Variants in SIN3A observed in about 807,000 individuals in gnomAD.
SIN3A encodes SIN3 transcription regulator family member A, also known as paired amphipathic helix protein Sin3a.
A neutral mutation model predicts 146.1 loss-of-function variants in SIN3A; 14 were observed. That is an observed-to-expected ratio of 0.10 (90% CI 0.06 to 0.15). The LOEUF is 0.15. Among genes scored for constraint, SIN3A ranks in the 10% least tolerant of loss-of-function variants. The pLI is 1.00. For missense variants in SIN3A, 1,028 were observed against 1,576.0 expected, an observed-to-expected ratio of 0.65 and a Z score of 5.89; for synonymous variants, 572 against 572.0, an observed-to-expected ratio of 1.00 and a Z score of 0.00.
chr15:75,396,920 C>A (rs190612774), intron 12 of SIN3A, among the ~76,000 whole-genome samples: 2 of 152,302 alleles, frequency 1.3e-5, no homozygotes, highest in African/African-American at 4.8e-5. Flanking sequence ...CCATTATGAA[C>A]AAACAATAAC....
At chr15:75,374,614 A>T (rs2072818587) in intron 20 of SIN3A, among the ~76,000 whole-genome samples, 2 of 152,256 alleles carry the variant, frequency 1.3e-5, no homozygotes, top group Admixed American at 1.3e-4. Context: ...ATCATTAGAC[A>T]AAGTGATGTG....
At chr15:75,384,890 A>G (rs2073050576) in intron 16 of SIN3A, among the ~76,000 whole-genome samples, 1 of 152,130 alleles carries the variant, frequency 6.6e-6, no homozygotes, top group African/African-American at 2.4e-5. Context: ...AATTTACACA[A>G]TGCATCAGAA....
At chr15:75,447,502 T>C (rs1392255116) in intron 1 of SIN3A, among the ~76,000 whole-genome samples, 4 of 152,138 alleles carry the variant, frequency 2.6e-5, no homozygotes, top group Non-Finnish European at 5.9e-5. Context: ...TGTTTGGATT[T>C]TAGAAAGGTA....
At position 75,389,729 on chromosome 15, in the gene SIN3A, A is replaced by C; in HGVS notation, c.2944T>G (p.Ser982Ala). 1 of 1,614,088 alleles carries C rather than the reference A, an allele frequency of 6.2e-7. No homozygotes were observed. Among genetic ancestry groups the C allele is most frequent in the Non-Finnish European group, 8.5e-7 (1 of 1,179,966 alleles). Reference sequence around the variant, plus strand: ...TGAATGGTGAACATCTCTCTCAGTGAATCTTCATACTGTGATGAGTCTATG... The same window carrying C: ...TGAATGGTGAACATCTCTCTCAGTGCATCTTCATACTGTGATGAGTCTATG... ...GNIDSSQYEDSLREMFTIHAY... is the reference protein window; with the variant it reads ...GNIDSSQYEDALREMFTIHAY... Residue 982 changes from serine to alanine, a missense_variant, in exon 16 of 21, where the codon TCA (serine) becomes GCA (alanine). Ser to Ala is a moderately conservative substitution (Grantham distance 99). This residue lies in a region of SIN3A where 488 missense variants were observed against 690.2 expected (regional missense o/e 0.71). Coordinates refer to ENST00000394947, the MANE Select transcript of SIN3A (RefSeq NM_001145358.2).
intron 9 of SIN3A, among the ~76,000 whole-genome samples, chr15:75,406,388 A>G (rs912874632): frequency 6.6e-6 from 1 of 152,232 alleles, no homozygotes; most frequent in Non-Finnish European, 1.5e-5. Context: ...TATCACAGCA[A>G]TAAGATTACA....
At chr15:75,393,499 C>T (rs2073247510) in intron 14 of SIN3A, among the ~76,000 whole-genome samples, 1 of 151,772 alleles carries the variant, frequency 6.6e-6, no homozygotes, top group South Asian at 2.1e-4. Context: ...GCTTCAGCCT[C>T]CTGAGTAGCT....
chr15:75,391,548 A>C (rs1428420022), intron 15 of SIN3A, among the ~76,000 whole-genome samples: 1 of 152,068 alleles, frequency 6.6e-6, no homozygotes, highest in East Asian at 1.9e-4. Context: ...CAGGTTGGCT[A>C]TTTCCTTAAG....
chr15:75,410,437 G>T, intron 6 of SIN3A, 151 bp from the exon 7 acceptor site: 1 of 660,052 alleles, frequency 1.5e-6, no homozygotes. Context: ...AGACTTTCAA[G>T]TTGAGAAAAA....
Position 75,411,648 on chromosome 15 carries a change from T to C in SIN3A, c.852A>G (p.Thr284=), listed in dbSNP as rs1162645869. 4 of 1,613,946 alleles carry C rather than the reference T, an allele frequency of 2.5e-6. No homozygotes were observed. The highest frequency in any genetic ancestry group is 3.4e-6 in the Non-Finnish European group (4 of 1,180,016). Residue 284 remains threonine (T), a synonymous_variant, in exon 6 of 21, where the codon ACA becomes ACG. Coordinates refer to ENST00000394947, the MANE Select transcript of SIN3A (RefSeq NM_001145358.2). The stretch of plus-strand genomic sequence containing the variant: ...CCGTTCCCAACGAGATTGTCACTGG[T>C]GTGTGAGGCTGGACCGGCGGAGAAC... ...SPRSPPVQPH[T]PVTISLGTAP... is the part of the protein sequence containing the mutation.
intron 9 of SIN3A, among the ~76,000 whole-genome samples, chr15:75,404,458 A>T (rs2073469953): frequency 6.6e-6 from 1 of 152,196 alleles, no homozygotes; most frequent in African/African-American, 2.4e-5. Flanking sequence ...AAGAAAAAGT[A>T]CTAAGAAAAT....
At chr15:75,389,569 G>A (rs977943878) in intron 16 of SIN3A, 83 bp downstream of exon 16, 3 of 1,362,450 alleles carry the variant, frequency 2.2e-6, no homozygotes, top group African/African-American at 2.9e-5. Flanking sequence ...ATATGAAAAA[G>A]TTGCCTTTCC....
intron 4 of SIN3A, among the ~76,000 whole-genome samples, chr15:75,413,323 G>A (rs998064020): frequency 2.0e-5 from 3 of 151,696 alleles, no homozygotes; most frequent in African/African-American, 7.3e-5. Flanking sequence ...GTTTCACCAT[G>A]TTGGCCAGGC....
chr15:75,380,854 T>C (rs2072951162), intron 18 of SIN3A, 131 bp from the exon 19 acceptor site: 1 of 660,906 alleles, frequency 1.5e-6, no homozygotes, highest in Admixed American at 2.3e-5. Flanking sequence ...AAAGTCCCTT[T>C]CTATAAAGAC....
At chr15:75,383,704 A>G (rs1301690734) in intron 17 of SIN3A, among the ~76,000 whole-genome samples, 5 of 151,944 alleles carry the variant, frequency 3.3e-5, no homozygotes, top group African/African-American at 9.7e-5. Flanking sequence ...AATTTTTTGT[A>G]TTTTTAGTAG....
At chr15:75,438,794 A>G (rs1361033209) in intron 1 of SIN3A, among the ~76,000 whole-genome samples, 1 of 152,248 alleles carries the variant, frequency 6.6e-6, no homozygotes, top group African/African-American at 2.4e-5. Flanking sequence ...TTAAATGCAT[A>G]TTCTTGAAAC....
chr15:75,431,177 G>A (rs917621287), intron 1 of SIN3A, among the ~76,000 whole-genome samples: 1 of 152,160 alleles, frequency 6.6e-6, no homozygotes, highest in Non-Finnish European at 1.5e-5. Context: ...AAAGAATACC[G>A]TGCCAGGAAT....
At chr15:75,386,191 A>G (rs2073073052) in intron 16 of SIN3A, among the ~76,000 whole-genome samples, 1 of 152,134 alleles carries the variant, frequency 6.6e-6, no homozygotes, top group Non-Finnish European at 1.5e-5. Context: ...ACGCCCAGCT[A>G]ACTTTTTTGT....
chr15:75,417,686 G>A (rs992273039), intron 3 of SIN3A, among the ~76,000 whole-genome samples: 11 of 152,032 alleles, frequency 7.2e-5, no homozygotes, highest in African/African-American at 2.7e-4. Flanking sequence ...GCCAGGCATA[G>A]ATAGTCTTTT....
rs916351838 is a variant in SIN3A, at chr15:75,409,585, G to A, written c.1317+251C>T. On this transcript the variant is annotated intron_variant, in intron 8 of 20. Coordinates refer to ENST00000394947, the MANE Select transcript of SIN3A (RefSeq NM_001145358.2). The stretch of plus-strand genomic sequence containing the variant: ...ACTAAAAAAAAAAAAAAATCAGCCC[G>A]GTATGGTGGCATGCGCCTGTAGTCC... Among the ~76,000 whole-genome samples the A allele has an allele frequency of 1.1e-4, 17 of 151,796 alleles. No individual in the cohort carries two copies. In the East Asian group the frequency reaches 1.6e-3, roughly 14 times the overall value.
Sources: allele counts gnomAD v4.1 joint callset (sites outside exome capture counted in the v4.1 genomes callset), GRCh38; gene constraint gnomAD v4.1.1; regional missense constraint gnomAD v4.1.1; transcripts MANE v1.5; gene names NCBI Gene and HGNC (gene_info 2026-07-23, HGNC 2026-07-21).